The following CNTN5 variants were observed in gnomAD, a reference collection of about 807,000 sequenced individuals.
CNTN5 encodes contactin-5.
In CNTN5, 77 loss-of-function variants were observed where a neutral mutation model predicts 129.1. The ratio of observed to expected loss-of-function variants is 0.60; its 90% CI spans 0.50 to 0.72. The LOEUF (loss-of-function observed/expected upper bound fraction) is 0.72. Among genes scored for constraint, CNTN5 ranks in the 30% least tolerant of loss-of-function variants. The probability of loss-of-function intolerance (pLI) is 0.00; values close to 1 mark genes in which losing one functional copy is unlikely to be tolerated. For synonymous variants in CNTN5, 509 were observed against 465.6 expected (o/e 1.09, Z -1.20); for missense variants, 1,478 against 1,328.8 (o/e 1.11, Z -1.75).
chr11:99,698,004 C>T (rs34902455), intron 3 of CNTN5, among the ~76,000 whole-genome samples: 14,670 of 150,536 alleles, frequency 0.097, 1,018 homozygotes, highest in South Asian at 0.28. Context: ...TTAACCGTTT[C>T]GACGACTGTT....
At chr11:99,459,735 A>C (rs10893371) in intron 2 of CNTN5, among the ~76,000 whole-genome samples, 34,557 of 151,968 alleles carry the variant, frequency 0.23, 4,296 homozygotes, top group East Asian at 0.41. Context: ...GTGGATAAGA[A>C]AGCAATGAAA....
At chr11:99,228,632 A>G (rs1860818944) in intron 1 of CNTN5, among the ~76,000 whole-genome samples, 1 of 152,062 alleles carries the variant, frequency 6.6e-6, no homozygotes, top group Admixed American at 6.6e-5. Flanking sequence ...TTAAAAAGTT[A>G]AAAAATAGCC....
chr11:99,118,627 G>A (rs534681371), intron 1 of CNTN5, among the ~76,000 whole-genome samples: 12 of 151,710 alleles, frequency 7.9e-5, no homozygotes, highest in South Asian at 2.1e-4. Context: ...AACAATTAAC[G>A]AAAACAAGAA....
intron 21 of CNTN5, chr11:100,309,792 C>A: frequency 3.1e-6 from 2 of 655,506 alleles, no homozygotes; most frequent in Non-Finnish European, 3.8e-6. Context: ...GGAGGAGGGA[C>A]ACGTGCCTCC....
chr11:99,823,938 C>T (rs1269002855), intron 4 of CNTN5, among the ~76,000 whole-genome samples: 1 of 151,916 alleles, frequency 6.6e-6, no homozygotes, highest in Non-Finnish European at 1.5e-5. Flanking sequence ...CAGTCATGAT[C>T]CACCTTTTCT....
At chr11:99,171,814 A>G (rs930111882) in intron 1 of CNTN5, among the ~76,000 whole-genome samples, 1 of 152,154 alleles carries the variant, frequency 6.6e-6, no homozygotes, top group Non-Finnish European at 1.5e-5. Flanking sequence ...ATAATCAATA[A>G]TTACAATATA....
intron 10 of CNTN5, among the ~76,000 whole-genome samples, chr11:100,067,960 T>G (rs1943759841): frequency 6.6e-6 from 1 of 152,180 alleles, no homozygotes; most frequent in African/African-American, 2.4e-5. Context: ...TTCCAATTTC[T>G]AATGGATTGT....
intron 2 of CNTN5, among the ~76,000 whole-genome samples, chr11:99,498,281 G>A (rs1011519517): frequency 6.6e-6 from 1 of 151,876 alleles, no homozygotes; most frequent in South Asian, 2.1e-4. Flanking sequence ...TAGCATTATC[G>A]CAGTTCAGTG....
intron 2 of CNTN5, among the ~76,000 whole-genome samples, chr11:99,364,725 A>G (rs1197243487): frequency 2.0e-5 from 3 of 152,158 alleles, no homozygotes; most frequent in Non-Finnish European, 4.4e-5. Context: ...CGATTAAATC[A>G]TTGATTATGG....
chr11:100,303,587 C>A (rs1951280806), intron 20 of CNTN5, among the ~76,000 whole-genome samples: 1 of 116,194 alleles, frequency 8.6e-6, no homozygotes, highest in Non-Finnish European at 1.9e-5. Flanking sequence ...TATCCTTTAT[C>A]CTTTCTAGTT....
intron 1 of CNTN5, among the ~76,000 whole-genome samples, chr11:99,090,754 G>T (rs905851558): frequency 6.6e-6 from 1 of 150,838 alleles, no homozygotes; most frequent in Non-Finnish European, 1.5e-5. Flanking sequence ...CGGGCGCGGT[G>T]GCTCACGCCT....
At chr11:100,324,270 T>C (rs1951749733) in intron 21 of CNTN5, among the ~76,000 whole-genome samples, 1 of 152,140 alleles carries the variant, frequency 6.6e-6, no homozygotes, top group Non-Finnish European at 1.5e-5. Context: ...GGAATTCTCA[T>C]TTATTTACAG....
chr11:99,802,681 G>T (rs905666625), intron 3 of CNTN5, among the ~76,000 whole-genome samples: 2 of 152,284 alleles, frequency 1.3e-5, no homozygotes, highest in East Asian at 3.9e-4. Context: ...GGATGACAGG[G>T]TGACTCAGCC....
intron 2 of CNTN5, among the ~76,000 whole-genome samples, chr11:99,380,247 G>C (rs1940457299): frequency 6.6e-6 from 1 of 151,922 alleles, no homozygotes; most frequent in South Asian, 2.1e-4. Context: ...TTTTTTCAGA[G>C]AATACTACAC....
intron 3 of CNTN5, among the ~76,000 whole-genome samples, chr11:99,777,971 T>A (rs138479196): frequency 1.1e-3 from 161 of 151,978 alleles, no homozygotes; most frequent in Middle Eastern, 3.4e-3. Flanking sequence ...TGTGATATTG[T>A]TTAACAGCCA....
chr11:99,717,424 C>T (rs1157021640), intron 3 of CNTN5, among the ~76,000 whole-genome samples: 4 of 151,828 alleles, frequency 2.6e-5, no homozygotes, highest in Non-Finnish European at 4.4e-5. Context: ...CTAGGAGTTA[C>T]GAGTGTGCAC....
intron 3 of CNTN5, among the ~76,000 whole-genome samples, chr11:99,809,801 ATTTGT>A: frequency 6.6e-6 from 1 of 152,100 alleles, no homozygotes; most frequent in Non-Finnish European, 1.5e-5. Flanking sequence ...GCTTTTTTTG[ATTTGT>A]TATAAAATAC....
At chr11:99,763,392 A>T (rs901236740) in intron 3 of CNTN5, among the ~76,000 whole-genome samples, 1 of 152,132 alleles carries the variant, frequency 6.6e-6, no homozygotes, top group Admixed American at 6.6e-5. Context: ...ATTCTAACTC[A>T]TGTAAGCTGT....
At chr11:99,201,701 A>G (rs1400338801) in intron 1 of CNTN5, among the ~76,000 whole-genome samples, 1 of 152,142 alleles carries the variant, frequency 6.6e-6, no homozygotes, top group African/African-American at 2.4e-5. Context: ...TCAAATAAAG[A>G]TGTAACTATG....
Sources: gnomAD v4.1 joint callset for allele counts (sites outside exome capture counted in the v4.1 genomes callset) on GRCh38, gnomAD v4.1.1 for gene constraint, MANE v1.5 for transcripts, NCBI Gene and HGNC (gene_info 2026-07-23, HGNC 2026-07-21) for gene names.